Variants in NHSL1 observed in about 807,000 individuals in gnomAD.
NHSL1 encodes the protein NHS like 1.
NHSL1 carries 48 observed loss-of-function variants against 95.0 expected under a neutral mutation model. That is an observed-to-expected ratio of 0.51 (90% confidence interval 0.40 to 0.64). The LOEUF (loss-of-function observed/expected upper bound fraction) is 0.64, where lower values mean the gene tolerates loss of function less well. NHSL1 is among the 30% of genes least tolerant of loss of function. The pLI is 0.00. For missense variants in NHSL1, 1,971 were observed against 2,077.7 expected (o/e 0.95, Z 1.00); for synonymous variants, 783 against 833.9 (o/e 0.94, Z 1.05).
chr6:138,597,075 C>T (rs1407737039), intron 1 of NHSL1, among the ~76,000 whole-genome samples: 1 of 152,086 alleles, frequency 6.6e-6, no homozygotes, highest in Non-Finnish European at 1.5e-5. Flanking sequence ...GCAGGAGAAT[C>T]GCTTGAACCT....
At chr6:138,662,029 G>A (rs1785234401) in intron 1 of NHSL1, among the ~76,000 whole-genome samples, 1 of 151,848 alleles carries the variant, frequency 6.6e-6, no homozygotes, top group South Asian at 2.1e-4. Context: ...AGATATGATT[G>A]TACCACTGCA....
Position 138,423,218 on chromosome 6 carries a change from A to C in NHSL1, c.*863T>G, listed in dbSNP as rs946018124. 2.0e-5 allele frequency: 3 copies of C among 152,144 alleles called. No individual in the cohort carries two copies. The allele number at this position is 152,144 out of a possible 1,614,324, so 9.4% of individuals were successfully genotyped here. A position where few individuals can be genotyped will look rare whatever the true frequency, so the allele number is the denominator to read the frequency against. On this transcript the variant is annotated 3_prime_UTR_variant, in exon 8 of 8. Transcript: ENST00000343505. ...TCATAGGCAGGAAACAAATTCCAGC[A>C]GTGTATCACTTACTCCTTTCCAACC... is the stretch of plus-strand genomic sequence containing the variant.
At chr6:138,507,814 A>G (rs1781034281) in intron 1 of NHSL1, among the ~76,000 whole-genome samples, 1 of 151,516 alleles carries the variant, frequency 6.6e-6, no homozygotes, top group Non-Finnish European at 1.5e-5. Context: ...CATATGACAT[A>G]CTGAAAAAAA....
At chr6:138,578,926 C>A (rs192148359) in intron 1 of NHSL1, among the ~76,000 whole-genome samples, 1 of 152,322 alleles carries the variant, frequency 6.6e-6, no homozygotes, top group Admixed American at 6.5e-5. Context: ...TGGTCCCCAG[C>A]CTTTCTGGCA....
Position 138,429,758 on chromosome 6 carries a change from G to A in NHSL1, c.4038C>T (p.Thr1346=). The change falls in exon 7 of 8, where the codon ACC becomes ACT. Residue 1346 remains threonine, a synonymous_variant. Coordinates refer to ENST00000343505, the MANE Select transcript of NHSL1 (RefSeq NM_001144060.2). ...CTTCTGTGGTCCTGGGTCGACTGGG[G>A]GTCATTACCTCATCATTCCCGTCTT... The part of the protein sequence containing the change: ...LKEDGNDEVM[T]PSRPRTTEDL... 4 of 1,551,818 alleles carry A rather than the reference G, an allele frequency of 2.6e-6. No individual in the cohort carries two copies. The highest frequency in any genetic ancestry group is 1.2e-5 in the South Asian group (1 of 84,050).
intron 1 of NHSL1, among the ~76,000 whole-genome samples, chr6:138,667,600 T>C (rs192620608): frequency 3.4e-4 from 52 of 152,370 alleles, no homozygotes; most frequent in Middle Eastern, 3.4e-3. Flanking sequence ...TGTCAATGTT[T>C]GTTCAACCAC....
chr6:138,666,191 T>C (rs1293035928), intron 1 of NHSL1, among the ~76,000 whole-genome samples: 14 of 152,162 alleles, frequency 9.2e-5, no homozygotes, highest in Admixed American at 9.2e-4. Flanking sequence ...TAATCCCATC[T>C]ATTCGGGAGG....
chr6:138,475,995 C>T (rs1230475894), intron 2 of NHSL1, among the ~76,000 whole-genome samples: 2 of 152,030 alleles, frequency 1.3e-5, no homozygotes, highest in Admixed American at 1.3e-4. Flanking sequence ...TCAAAAGCAA[C>T]AGATGTTGGC....
chr6:138,501,547 T>A (rs1780682734), upstream of NHSL1, among the ~76,000 whole-genome samples: 2 of 152,204 alleles, frequency 1.3e-5, no homozygotes, highest in South Asian at 2.1e-4. Context: ...AACTGTGTAA[T>A]GAATCTCACT....
chr6:138,456,903 G>A (rs1777647934), intron 3 of NHSL1, among the ~76,000 whole-genome samples: 1 of 149,190 alleles, frequency 6.7e-6, no homozygotes, highest in Non-Finnish European at 1.5e-5. Context: ...TTTTGGAGAT[G>A]GAGTCTCACT....
At chr6:138,656,293 G>T (rs1396542242) in intron 1 of NHSL1, among the ~76,000 whole-genome samples, 1 of 152,072 alleles carries the variant, frequency 6.6e-6, no homozygotes, top group African/African-American at 2.4e-5. Flanking sequence ...AATAAAATAA[G>T]AATTAAAAAT....
At chr6:138,681,780 G>A (rs1785514716) in intron 1 of NHSL1, among the ~76,000 whole-genome samples, 1 of 152,124 alleles carries the variant, frequency 6.6e-6, no homozygotes, top group Admixed American at 6.5e-5. Context: ...ATGCTGTCAT[G>A]CAGAAAGCCC....
chr6:138,679,630 C>T (rs1398527813), intron 1 of NHSL1, among the ~76,000 whole-genome samples: 1 of 152,080 alleles, frequency 6.6e-6, no homozygotes, highest in Non-Finnish European at 1.5e-5. Flanking sequence ...CCCTAGGAAG[C>T]CCAGAAGAAT....
At chr6:138,569,135 C>T (rs1475152744) in intron 1 of NHSL1, among the ~76,000 whole-genome samples, 1 of 152,118 alleles carries the variant, frequency 6.6e-6, no homozygotes, top group East Asian at 1.9e-4. Context: ...AGCTGCAGAA[C>T]CGGACCCCCG....
intron 1 of NHSL1, among the ~76,000 whole-genome samples, chr6:138,569,738 G>A (rs968970512): frequency 2.0e-5 from 3 of 152,212 alleles, no homozygotes; most frequent in Non-Finnish European, 2.9e-5. Context: ...GAGACAAGAT[G>A]TCAAAGTTGG....
At chr6:138,578,393 G>C (rs1784002037) in intron 1 of NHSL1, among the ~76,000 whole-genome samples, 1 of 152,150 alleles carries the variant, frequency 6.6e-6, no homozygotes, top group South Asian at 2.1e-4. Context: ...CACTGACACA[G>C]AACATGGACG....
At chr6:138,668,656 TGCTCTGTAGCCAG>T (rs1365908561) in intron 1 of NHSL1, among the ~76,000 whole-genome samples, 6 of 150,332 alleles carry the variant, frequency 4.0e-5, no homozygotes, top group African/African-American at 1.5e-4. Context: ...GACAGAGTCT[TGCTCTGTAGCCAG>T]GCTGGAGTGC....
At chr6:138,543,001 T>C (rs1782641495) in intron 1 of NHSL1, among the ~76,000 whole-genome samples, 1 of 152,190 alleles carries the variant, frequency 6.6e-6, no homozygotes, top group South Asian at 2.1e-4. Context: ...GGGCCTCAAG[T>C]GATCCTCTCT....
intron 1 of NHSL1, among the ~76,000 whole-genome samples, chr6:138,617,262 C>T (rs940188489): frequency 8.6e-5 from 13 of 152,014 alleles, no homozygotes; most frequent in African/African-American, 1.2e-4. Flanking sequence ...TAATCAGAGA[C>T]GGAAAGGGGA....
Sources: gnomAD v4.1 joint callset for allele counts (sites outside exome capture counted in the v4.1 genomes callset) on GRCh38, gnomAD v4.1.1 for gene constraint, MANE v1.5 for transcripts, NCBI Gene and HGNC (gene_info 2026-07-23, HGNC 2026-07-21) for gene names.